The following TMEM132D variants were observed in gnomAD, a reference collection of about 807,000 sequenced individuals.
TMEM132D encodes transmembrane protein 132D.
A neutral mutation model predicts 62.3 loss-of-function variants in TMEM132D; 21 were observed. The ratio of observed to expected loss-of-function variants is 0.34; its 90% confidence interval spans 0.24 to 0.49. TMEM132D has a LOEUF of 0.49. Among genes scored for constraint, TMEM132D ranks in the 20% least tolerant of loss-of-function variants. TMEM132D has a pLI of 0.99. For synonymous variants in TMEM132D, 621 were observed against 575.6 expected (o/e 1.08, Z -1.13); for missense variants, 1,346 against 1,402.8 (o/e 0.96, Z 0.65).
intron 5 of TMEM132D, among the ~76,000 whole-genome samples, chr12:129,136,106 G>A (rs1242871674): frequency 6.6e-6 from 1 of 152,090 alleles, no homozygotes; most frequent in Non-Finnish European, 1.5e-5. Flanking sequence ...GGAAATGTCA[G>A]GAGCAATTTT....
chr12:129,472,015 G>A (rs1874106762), intron 3 of TMEM132D, among the ~76,000 whole-genome samples: 1 of 152,240 alleles, frequency 6.6e-6, no homozygotes, highest in South Asian at 2.1e-4. Flanking sequence ...TGACATAAAA[G>A]TGCAAAGTGA....
intron 5 of TMEM132D, among the ~76,000 whole-genome samples, chr12:129,089,698 T>G (rs936614108): frequency 1.3e-5 from 2 of 152,288 alleles, no homozygotes; most frequent in South Asian, 4.1e-4. Flanking sequence ...GTGTCAGGGT[T>G]GGAGGCTGAA....
At chr12:129,433,957 T>C (rs1872725962) in intron 3 of TMEM132D, among the ~76,000 whole-genome samples, 1 of 152,208 alleles carries the variant, frequency 6.6e-6, no homozygotes, top group Non-Finnish European at 1.5e-5. Context: ...GAAATTGATA[T>C]TTCTCGCACT....
At chr12:129,607,781 C>T (rs1312996681) in intron 2 of TMEM132D, among the ~76,000 whole-genome samples, 1 of 152,154 alleles carries the variant, frequency 6.6e-6, no homozygotes, top group Non-Finnish European at 1.5e-5. Flanking sequence ...TTTGGAGTAC[C>T]TGTAGATTTC....
chr12:129,539,087 G>A (rs1383134321), intron 2 of TMEM132D, among the ~76,000 whole-genome samples: 1 of 152,170 alleles, frequency 6.6e-6, no homozygotes, highest in Non-Finnish European at 1.5e-5. Context: ...TGGGTGACAA[G>A]GGGGCAGGTG....
At position 129,074,120 on chromosome 12, in the gene TMEM132D, G is replaced by A. The variant is rs756802963; in HGVS notation, c.3055C>T (p.Pro1019Ser). The change falls in exon 9 of 9, where the codon CCT becomes TCT. Residue 1019 changes from proline to serine, a missense_variant. Coordinates refer to ENST00000422113, the MANE Select transcript of TMEM132D (RefSeq NM_133448.3). ...QKSINGQLFK[P>S]LGPIIIDGKD... is the part of the protein sequence containing the mutation. ...CCATCAATGATGATGGGTCCCAAAG[G>A]TTTGAACAGCTGCCCATTGATGCTT... is the stretch of plus-strand genomic sequence containing the variant. 2.5e-6 allele frequency: 4 copies of A among 1,613,998 alleles called. No individual in the cohort carries two copies. The South Asian group carries it at 4.4e-5, about 18-fold the overall frequency.
At chr12:129,418,463 GA>G (rs796990001) in intron 3 of TMEM132D, among the ~76,000 whole-genome samples, 1 of 152,278 alleles carries the variant, frequency 6.6e-6, no homozygotes, top group South Asian at 2.1e-4. Context: ...CACAGGAACA[GA>G]AAACCAAACA....
rs1480577235 is a variant in TMEM132D, at chr12:129,123,189, C to T, written c.1444-38487G>A. Among the ~76,000 whole-genome samples, 3 of 152,212 alleles carry T rather than the reference C, an allele frequency of 2.0e-5. No homozygotes were observed. In the East Asian group the frequency reaches 5.8e-4, roughly 29 times the overall value. ...GAATAAAGCAGTTATAAAATCATGGCCATGACTGTTCAAAGCCAATTTAGA... is the reference window on the plus strand; with the variant it reads ...GAATAAAGCAGTTATAAAATCATGGTCATGACTGTTCAAAGCCAATTTAGA... On this transcript the variant is annotated intron_variant, in intron 5 of 8. Coordinates refer to ENST00000422113, the MANE Select transcript of TMEM132D (RefSeq NM_133448.3).
At chr12:129,319,262 G>A (rs918534679) in intron 4 of TMEM132D, among the ~76,000 whole-genome samples, 1 of 152,200 alleles carries the variant, frequency 6.6e-6, no homozygotes, top group Admixed American at 6.5e-5. Context: ...GGGACCCAGC[G>A]AGCTCCCAGG....
chr12:129,294,990 T>C (rs776731602), intron 4 of TMEM132D, among the ~76,000 whole-genome samples: 2 of 152,196 alleles, frequency 1.3e-5, no homozygotes, highest in Non-Finnish European at 2.9e-5. Context: ...TGAGTGTTTC[T>C]GTTAGGGTGT....
chr12:129,510,316 T>A (rs1338316806), intron 3 of TMEM132D, among the ~76,000 whole-genome samples: 1 of 152,124 alleles, frequency 6.6e-6, no homozygotes, highest in Admixed American at 6.5e-5. Context: ...GATTATTAGA[T>A]TTTTTCCCTA....
At chr12:129,766,116 T>C (rs1156388203) in intron 1 of TMEM132D, among the ~76,000 whole-genome samples, 1 of 152,144 alleles carries the variant, frequency 6.6e-6, no homozygotes, top group Non-Finnish European at 1.5e-5. Flanking sequence ...CTACACATTG[T>C]CCAGGAAAGT....
rs1035898775 is a variant in TMEM132D, at chr12:129,903,074, G to A, written c.79+187C>T. ...CCAGGACAAGCACCTTCGGCCAAGG[G>A]GCGTCCGAGGAGCTTGGCTGCCGCA... On this transcript the variant is annotated intron_variant, in intron 1 of 8. Transcript: ENST00000422113. The surrounding 1 kb of genome is among the most constrained non-coding windows in gnomAD (Gnocchi z 6.2). Among the ~76,000 whole-genome samples the A allele has an allele frequency of 6.6e-6, 1 of 152,174 alleles. No homozygotes were observed. The highest frequency in any genetic ancestry group is 1.5e-5 in the Non-Finnish European group (1 of 68,030).
chr12:129,222,666 T>C lies in TMEM132D; in HGVS notation c.1300-13003A>G, dbSNP rs548995995. Reference sequence around the variant, plus strand: ...TACACCTCTAATCAAAGACAAACACTGCATCGTCTTACTTATAGGTGATAT... The same window carrying C: ...TACACCTCTAATCAAAGACAAACACCGCATCGTCTTACTTATAGGTGATAT... On this transcript the variant is annotated intron_variant, in intron 4 of 8. Transcript: ENST00000422113. Among the ~76,000 whole-genome samples the C allele has an allele frequency of 3.2e-4, 48 of 152,286 alleles. 1 individual carries two copies. The South Asian group carries it at 9.5e-3, about 30-fold the overall frequency.
chr12:129,676,567 G>C (rs777542961), intron 2 of TMEM132D, among the ~76,000 whole-genome samples: 1 of 152,142 alleles, frequency 6.6e-6, no homozygotes, highest in Non-Finnish European at 1.5e-5. Flanking sequence ...TTCACATGGC[G>C]AGAGCGGGAG....
intron 5 of TMEM132D, among the ~76,000 whole-genome samples, chr12:129,163,703 A>G (rs924485082): frequency 1.3e-5 from 2 of 152,172 alleles, no homozygotes; most frequent in Non-Finnish European, 2.9e-5. Context: ...TTGGGGTGTT[A>G]ATGGCTTCCC....
chr12:129,122,009 C>T (rs1299761241), intron 5 of TMEM132D, among the ~76,000 whole-genome samples: 3 of 152,236 alleles, frequency 2.0e-5, no homozygotes, highest in Non-Finnish European at 2.9e-5. Flanking sequence ...GGAAGCCCGC[C>T]GATTCTGGCC....
chr12:129,902,004 T>C (rs1262970112), intron 1 of TMEM132D, among the ~76,000 whole-genome samples: 1 of 152,144 alleles, frequency 6.6e-6, no homozygotes, highest in Non-Finnish European at 1.5e-5. Context: ...TCCAGAAGGC[T>C]CTGATCCCAG....
At chr12:129,760,964 A>C (rs1043944659) in intron 1 of TMEM132D, among the ~76,000 whole-genome samples, 1 of 151,934 alleles carries the variant, frequency 6.6e-6, no homozygotes, top group African/African-American at 2.4e-5. Context: ...TTCCAGCTTC[A>C]TCCATGTCCC....
Sources: gnomAD v4.1 joint callset for allele counts (sites outside exome capture counted in the v4.1 genomes callset) on GRCh38, gnomAD v4.1.1 for gene constraint, Gnocchi (gnomAD v3.1) non-coding constraint, MANE v1.5 for transcripts, NCBI Gene and HGNC (gene_info 2026-07-23, HGNC 2026-07-21) for gene names.